The following ZNF804B variants were observed in gnomAD, a reference collection of about 807,000 sequenced individuals.
ZNF804B encodes zinc finger protein 804B.
In ZNF804B, 80 loss-of-function variants were observed where a neutral mutation model predicts 101.4. The ratio of observed to expected loss-of-function variants is 0.79; its 90% CI spans 0.66 to 0.95. ZNF804B has a LOEUF of 0.95. Among genes scored for constraint, ZNF804B ranks in the 40% least tolerant of loss-of-function variants. The probability of loss-of-function intolerance (pLI) is 0.00; values close to 1 mark genes in which losing one functional copy is unlikely to be tolerated. For missense variants in ZNF804B, 1,673 were observed against 1,561.9 expected (o/e 1.07, Z -1.20); for synonymous variants, 622 against 558.8 (o/e 1.11, Z -1.59).
chr7:89,147,594 G>T (rs771112040), intron 1 of ZNF804B, among the ~76,000 whole-genome samples: 8 of 151,994 alleles, frequency 5.3e-5, no homozygotes, highest in Non-Finnish European at 1.0e-4. Context: ...CTACCAGTCT[G>T]TTGCCTGTTA....
intron 1 of ZNF804B, among the ~76,000 whole-genome samples, chr7:89,116,500 GTAAC>G (rs1790314546): frequency 6.6e-6 from 1 of 152,120 alleles, no homozygotes; most frequent in Admixed American, 6.5e-5. Context: ...CTGTGAGAAA[GTAAC>G]TAACCTACAA....
chr7:88,853,842 GCTTA>G (rs975113932), intron 1 of ZNF804B, among the ~76,000 whole-genome samples: 37 of 152,084 alleles, frequency 2.4e-4, no homozygotes, highest in Admixed American at 2.4e-3. Flanking sequence ...AATAGATTAT[GCTTA>G]CTTAATTCTA....
intron 1 of ZNF804B, among the ~76,000 whole-genome samples, chr7:89,120,633 G>C (rs1384362763): frequency 7.9e-6 from 1 of 126,820 alleles, no homozygotes; most frequent in Non-Finnish European, 1.5e-5. Context: ...ACTCCAGCCT[G>C]GGCGACAGAG....
rs1192391346 is a variant in ZNF804B at position 88,973,099 on chromosome 7, T to A, written c.108+213015T>A. 2.6e-5 allele frequency among the ~76,000 whole-genome samples: 4 copies of A among 151,234 alleles called. No homozygotes were observed. In the East Asian group the frequency reaches 7.8e-4, roughly 30 times the overall value. ...AGTAACTATTGGTATTTTAATGTTC[T>A]TCTCTTTAAGAAAATTCTGCCACTC... On this transcript the variant is annotated intron_variant, in intron 1 of 3. Transcript: ENST00000333190.
chr7:88,914,883 A>C (rs1008743190), intron 1 of ZNF804B, among the ~76,000 whole-genome samples: 1 of 152,214 alleles, frequency 6.6e-6, no homozygotes, highest in South Asian at 2.1e-4. Flanking sequence ...TTAGTAGAAC[A>C]AAGTATTACC....
intron 1 of ZNF804B, among the ~76,000 whole-genome samples, chr7:89,053,827 A>C (rs1050105307): frequency 1.3e-5 from 2 of 152,074 alleles, no homozygotes; most frequent in African/African-American, 4.8e-5. Context: ...TGTATTGAAG[A>C]GAGTAATATG....
At chr7:89,084,409 A>C (rs1409656952) in intron 1 of ZNF804B, among the ~76,000 whole-genome samples, 1 of 151,966 alleles carries the variant, frequency 6.6e-6, no homozygotes, top group Non-Finnish European at 1.5e-5. Flanking sequence ...AGGTTTAAGC[A>C]GAAGTCTACA....
intron 1 of ZNF804B, among the ~76,000 whole-genome samples, chr7:89,208,261 T>C (rs548914411): frequency 1.3e-5 from 2 of 152,208 alleles, no homozygotes; most frequent in African/African-American, 4.8e-5. Flanking sequence ...TTTTTGTATT[T>C]TTAATAGAGA....
At chr7:88,952,051 T>G (rs1793231543) in intron 1 of ZNF804B, among the ~76,000 whole-genome samples, 1 of 151,854 alleles carries the variant, frequency 6.6e-6, no homozygotes, top group Admixed American at 6.6e-5. Flanking sequence ...CATTTCAAGC[T>G]CTGAAATGTC....
chr7:89,262,560 A>G (rs534414753), intron 2 of ZNF804B, among the ~76,000 whole-genome samples: 19 of 151,946 alleles, frequency 1.3e-4, no homozygotes, highest in African/African-American at 4.6e-4. Context: ...TCTTATTATA[A>G]TGATTACTTT....
intron 1 of ZNF804B, among the ~76,000 whole-genome samples, chr7:88,832,153 A>C (rs1791143500): frequency 6.7e-6 from 1 of 148,188 alleles, no homozygotes; most frequent in Non-Finnish European, 1.5e-5. Flanking sequence ...GCATTTCCAC[A>C]GGAACTATTC....
At chr7:88,880,061 A>AC (rs200645343) in intron 1 of ZNF804B, among the ~76,000 whole-genome samples, 2 of 151,024 alleles carry the variant, frequency 1.3e-5, no homozygotes, top group African/African-American at 4.9e-5. Context: ...AAAAAAAAAA[A>AC]CCACTTATCT....
chr7:88,976,762 C>T (rs1793620079), intron 1 of ZNF804B, among the ~76,000 whole-genome samples: 1 of 151,556 alleles, frequency 6.6e-6, no homozygotes, highest in South Asian at 2.1e-4. Flanking sequence ...CTAGGGCTTC[C>T]AGTACTATAT....
intron 1 of ZNF804B, among the ~76,000 whole-genome samples, chr7:89,096,391 GA>G (rs1244141982): frequency 6.6e-6 from 1 of 152,082 alleles, no homozygotes; most frequent in Non-Finnish European, 1.5e-5. Context: ...CCCAGGACTG[GA>G]GGGGAACCAG....
chr7:89,016,172 T>C (rs1234074989), intron 1 of ZNF804B, among the ~76,000 whole-genome samples: 1 of 152,036 alleles, frequency 6.6e-6, no homozygotes, highest in Non-Finnish European at 1.5e-5. Flanking sequence ...TTGCCTACTT[T>C]TTGATGGGGT....
chr7:89,300,457 G>A (rs191379331), intron 2 of ZNF804B, among the ~76,000 whole-genome samples: 13 of 151,856 alleles, frequency 8.6e-5, no homozygotes, highest in Admixed American at 5.3e-4. Flanking sequence ...AGAGGAAAAA[G>A]TTAGAGCTAT....
At chr7:89,046,133 G>A (rs1284044043) in intron 1 of ZNF804B, among the ~76,000 whole-genome samples, 1 of 151,762 alleles carries the variant, frequency 6.6e-6, no homozygotes, top group Non-Finnish European at 1.5e-5. Flanking sequence ...TTTTTGCTTG[G>A]CACTTCTCCT....
At chr7:89,081,060 AAAG>A (rs1789690337) in intron 1 of ZNF804B, among the ~76,000 whole-genome samples, 1 of 144,874 alleles carries the variant, frequency 6.9e-6, no homozygotes, top group African/African-American at 2.9e-5. Flanking sequence ...TTTCAGAGAT[AAAG>A]AAGAGTTAAC....
chr7:88,782,488 T>C (rs113277647), intron 1 of ZNF804B, among the ~76,000 whole-genome samples: 1 of 152,248 alleles, frequency 6.6e-6, no homozygotes, highest in South Asian at 2.1e-4. Context: ...TGTATTTATA[T>C]ACACTAATAT....
Sources: gnomAD v4.1 joint callset for allele counts (sites outside exome capture counted in the v4.1 genomes callset) on GRCh38, gnomAD v4.1.1 for gene constraint, MANE v1.5 for transcripts, NCBI Gene and HGNC (gene_info 2026-07-23, HGNC 2026-07-21) for gene names.